Variants in PITPNA observed in about 807,000 individuals in gnomAD.
The protein encoded by PITPNA is phosphatidylinositol transfer protein alpha isoform.
PITPNA carries 13 observed loss-of-function variants against 50.3 expected under a neutral mutation model. The ratio of observed to expected loss-of-function variants is 0.26; its 90% CI spans 0.17 to 0.41. The LOEUF (loss-of-function observed/expected upper bound fraction) is 0.41, where lower values mean the gene tolerates loss of function less well. Ranked by LOEUF, PITPNA falls within the 10% of genes least tolerant of loss-of-function variation. PITPNA has a pLI of 1.00. For missense variants in PITPNA, 207 were observed against 333.4 expected, an observed-to-expected ratio of 0.62 and a Z score of 2.95; for synonymous variants, 120 against 119.6, an observed-to-expected ratio of 1.00 and a Z score of -0.02.
In PITPNA at chr17:1,518,486, G is replaced by C. The variant is rs2075486321; in HGVS notation, c.*2075C>G. 1 of 152,692 alleles carries C rather than the reference G, an allele frequency of 6.5e-6. No homozygotes were observed. The highest frequency in any genetic ancestry group is 1.5e-5 in the Non-Finnish European group (1 of 68,062). 9.5% of individuals were successfully genotyped at this position (152,692 alleles called of 1,614,324 possible). On this transcript the variant is annotated 3_prime_UTR_variant, in exon 12 of 12. Coordinates refer to ENST00000313486, the MANE Select transcript of PITPNA (RefSeq NM_006224.4). Reference sequence around the variant, plus strand: ...AGCAGCAACACCATCCGTGGGGATGGAACAGACCAGGGACATCCTCCTTTA... The same window carrying C: ...AGCAGCAACACCATCCGTGGGGATGCAACAGACCAGGGACATCCTCCTTTA...
intron 4 of PITPNA, among the ~76,000 whole-genome samples, chr17:1,547,467 T>C (rs1306852418): frequency 5.3e-5 from 8 of 152,002 alleles, no homozygotes; most frequent in Non-Finnish European, 1.2e-4. Flanking sequence ...CTGGCCAACA[T>C]GGTGAAACAC....
intron 2 of PITPNA, among the ~76,000 whole-genome samples, chr17:1,558,225 C>T (rs891585279): frequency 7.8e-5 from 8 of 102,180 alleles, no homozygotes; most frequent in Non-Finnish European, 1.4e-4. Context: ...AGCAAGACTC[C>T]GTCTCAAAAA....
At chr17:1,536,892 C>T (rs1378279532) in intron 7 of PITPNA, among the ~76,000 whole-genome samples, 3 of 143,114 alleles carry the variant, frequency 2.1e-5, no homozygotes, top group Non-Finnish European at 4.6e-5. Context: ...TATGTCCGGC[C>T]GATTTTTTTT....
chr17:1,552,832 T>C (rs143812225), intron 3 of PITPNA, among the ~76,000 whole-genome samples, 172 bp downstream of exon 3: 215 of 152,330 alleles, frequency 1.4e-3, no homozygotes, highest in Non-Finnish European at 2.6e-3. Context: ...AGGAATAGTA[T>C]ATTCCCATCT....
intron 10 of PITPNA, among the ~76,000 whole-genome samples, chr17:1,522,222 C>T (rs12941074): frequency 1.1e-3 from 167 of 151,264 alleles, no homozygotes; most frequent in Non-Finnish European, 2.1e-3. Flanking sequence ...CAGGCGCCCG[C>T]CACCGCGCCC....
intron 7 of PITPNA, among the ~76,000 whole-genome samples, chr17:1,537,582 G>A (rs1356886412): frequency 6.6e-6 from 1 of 152,190 alleles, no homozygotes; most frequent in Admixed American, 6.5e-5. Flanking sequence ...ATCAACCAGA[G>A]TTGACAAAAT....
chr17:1,544,708 C>T (rs1325685907), intron 4 of PITPNA, among the ~76,000 whole-genome samples: 4 of 152,212 alleles, frequency 2.6e-5, no homozygotes, highest in African/African-American at 7.2e-5. Context: ...GAGGCCAAGG[C>T]GGGCGGATCA....
At chr17:1,536,310 G>C (rs1452833285) in intron 7 of PITPNA, among the ~76,000 whole-genome samples, 3 of 147,054 alleles carry the variant, frequency 2.0e-5, no homozygotes, top group Admixed American at 6.8e-5. Context: ...TTTTTTGAGA[G>C]GGAGTCTCGC....
chr17:1,524,677 C>G (rs1350749207), intron 10 of PITPNA, among the ~76,000 whole-genome samples: 1 of 151,944 alleles, frequency 6.6e-6, no homozygotes, highest in Non-Finnish European at 1.5e-5. Context: ...GAAACCCCAT[C>G]TCTACTAAAA....
chr17:1,535,924 G>A (rs985427293), intron 7 of PITPNA: 15 of 193,088 alleles, frequency 7.8e-5, no homozygotes, highest in African/African-American at 2.8e-4. Context: ...GCACAGATTT[G>A]TTTTTTGTTT....
intron 10 of PITPNA, among the ~76,000 whole-genome samples, chr17:1,522,845 CTG>C (rs1403986825): frequency 3.3e-5 from 5 of 152,162 alleles, no homozygotes; most frequent in Non-Finnish European, 7.3e-5. Flanking sequence ...TACAGAATGA[CTG>C]TGGGTAAGTG....
Position 1,562,596 on chromosome 17 carries a change from C to T in PITPNA, c.-36G>A. The T allele has an allele frequency of 8.0e-7, 1 of 1,254,548 alleles. No individual in the cohort carries two copies. The highest frequency in any genetic ancestry group is 1.0e-6 in the Non-Finnish European group (1 of 995,610). The allele number at this position is 1,254,548 out of a possible 1,614,324, so 77.7% of individuals were successfully genotyped here. A position where few individuals can be genotyped will look rare whatever the true frequency, so the allele number is the denominator to read the frequency against. Reference sequence around the variant, plus strand: ...GGCTCGGTGGCTGCCCGCGGCCCGCCCGGCCTCCCGCCCGCTGCCCGCCGG... The same window carrying T: ...GGCTCGGTGGCTGCCCGCGGCCCGCTCGGCCTCCCGCCCGCTGCCCGCCGG... On this transcript the variant is annotated 5_prime_UTR_variant, in exon 1 of 12. Transcript: ENST00000313486. This position sits in a 1 kb window ranked among gnomAD's most constrained non-coding sequence, Gnocchi z 6.4.
intron 10 of PITPNA, among the ~76,000 whole-genome samples, chr17:1,531,160 A>G (rs1215611578): frequency 6.6e-6 from 1 of 152,138 alleles, no homozygotes; most frequent in Admixed American, 6.6e-5. Context: ...ACGGAATTAA[A>G]GTTAAAGCGA....
intron 2 of PITPNA, among the ~76,000 whole-genome samples, chr17:1,557,975 C>A (rs985686533): frequency 1.6e-4 from 24 of 152,126 alleles, no homozygotes; most frequent in African/African-American, 5.8e-4. Context: ...TCACGCCTGT[C>A]ATCCCAGCAC....
Position 1,520,049 on chromosome 17 carries a change from GC to G in PITPNA, c.*511del, listed in dbSNP as rs1254154726. On this transcript the variant is annotated 3_prime_UTR_variant, in exon 12 of 12. Coordinates refer to ENST00000313486, the MANE Select transcript of PITPNA (RefSeq NM_006224.4). ...AAAACCACATTGCTATTTTGTGGAA[GC>G]GGTGCGGGGCAGGGAAACATTGTAT... 6.6e-6 allele frequency: 1 copy of G among 152,204 alleles called. No individual in the cohort carries two copies. The highest frequency in any genetic ancestry group is 2.4e-5 in the African/African-American group (1 of 41,442). 9.4% of individuals were successfully genotyped at this position (152,204 alleles called of 1,614,324 possible). A position where few individuals can be genotyped will look rare whatever the true frequency, so the allele number is the denominator to read the frequency against.
intron 10 of PITPNA, among the ~76,000 whole-genome samples, chr17:1,529,689 T>C (rs2075569774): frequency 6.6e-6 from 1 of 150,984 alleles, no homozygotes; most frequent in Non-Finnish European, 1.5e-5. Context: ...ACCCTGTCTC[T>C]ACTAAAAATA....
chr17:1,521,626 A>G lies in PITPNA; in HGVS notation c.788T>C (p.Val263Ala). Reference protein sequence around the residue: ...QLDEMRQKDPVKGMTADD With the variant: ...QLDEMRQKDPAKGMTADD The stretch of plus-strand genomic sequence containing the variant: ...TTAGTCATCTGCTGTCATTCCTTTC[A>G]CTGGGTCCTTTTGTCTCATCTGGAA... Residue 263 changes from valine to alanine, a missense_variant, in exon 11 of 12, where the codon GTG (valine) becomes GCG (alanine). By Grantham distance (64) the Val-to-Ala change is moderately conservative (BLOSUM62 0). Transcript: ENST00000313486. 6.2e-7 allele frequency: 1 copy of G among 1,613,606 alleles called. No homozygotes were observed. The highest frequency in any genetic ancestry group is 8.5e-7 in the Non-Finnish European group (1 of 1,179,628).
intron 7 of PITPNA, 33 bp downstream of exon 7, chr17:1,538,836 C>G: frequency 7.0e-7 from 1 of 1,436,362 alleles, no homozygotes; most frequent in South Asian, 1.2e-5. Flanking sequence ...TTCTGCGTCT[C>G]GAAGGCCACC....
intron 6 of PITPNA, among the ~76,000 whole-genome samples, chr17:1,540,120 T>C (rs2075640819): frequency 6.6e-6 from 1 of 152,248 alleles, no homozygotes; most frequent in African/African-American, 2.4e-5. Flanking sequence ...ACCATTTCCA[T>C]GTGTTCCCGG....
Sources: allele counts gnomAD v4.1 joint callset (sites outside exome capture counted in the v4.1 genomes callset), GRCh38; gene constraint gnomAD v4.1.1; non-coding constraint Gnocchi (gnomAD v3.1); transcripts MANE v1.5; gene names NCBI Gene and HGNC (gene_info 2026-07-23, HGNC 2026-07-21).